Variants in LRBA observed in about 807,000 individuals in gnomAD.
LRBA encodes LPS responsive beige-like anchor protein, also known as lipopolysaccharide-responsive and beige-like anchor protein.
In LRBA, 176 loss-of-function variants were observed where a neutral mutation model predicts 330.0. That is an observed-to-expected ratio of 0.53 (90% confidence interval 0.47 to 0.60). The LOEUF (loss-of-function observed/expected upper bound fraction) is 0.60. Among genes scored for constraint, LRBA ranks in the 20% least tolerant of loss-of-function variants. LRBA has a pLI of 0.00. For missense variants in LRBA, 3,259 were observed against 3,444.8 expected, an observed-to-expected ratio of 0.95 and a Z score of 1.35; for synonymous variants, 1,230 against 1,193.0, an observed-to-expected ratio of 1.03 and a Z score of -0.64.
intron 40 of LRBA, among the ~76,000 whole-genome samples, chr4:150,587,682 G>C (rs1318276764): frequency 6.6e-6 from 1 of 152,040 alleles, no homozygotes; most frequent in Non-Finnish European, 1.5e-5. Flanking sequence ...ATCATATCCA[G>C]AAAACATAAA....
At chr4:151,002,364 C>T (rs76342172) in intron 2 of LRBA, among the ~76,000 whole-genome samples, 3,439 of 151,586 alleles carry the variant, frequency 0.023, 126 homozygotes, top group African/African-American at 0.079. Flanking sequence ...GTCAGGAGTT[C>T]GAGACCAGAC....
chr4:150,449,925 T>C (rs907096744), intron 44 of LRBA, among the ~76,000 whole-genome samples: 1 of 151,846 alleles, frequency 6.6e-6, no homozygotes, highest in African/African-American at 2.4e-5. Flanking sequence ...AGCAAGAAGG[T>C]AGATTTAAGC....
intron 17 of LRBA, among the ~76,000 whole-genome samples, chr4:150,881,584 G>A (rs1414507550): frequency 6.6e-6 from 1 of 152,120 alleles, no homozygotes; most frequent in Non-Finnish European, 1.5e-5. Context: ...GTACTTGGGT[G>A]ACAGGATCAA....
chr4:150,357,782 T>C (rs866843402), intron 47 of LRBA, among the ~76,000 whole-genome samples: 2 of 152,004 alleles, frequency 1.3e-5, no homozygotes, highest in African/African-American at 4.8e-5. Context: ...TACAGTGATA[T>C]ATATGCAGCA....
chr4:150,364,922 A>G (rs1426758464), intron 47 of LRBA, among the ~76,000 whole-genome samples: 1 of 151,844 alleles, frequency 6.6e-6, no homozygotes, highest in Non-Finnish European at 1.5e-5. Context: ...ATAATATTTT[A>G]TATCATAATA....
intron 2 of LRBA, among the ~76,000 whole-genome samples, chr4:150,967,237 C>A (rs1739007661): frequency 6.6e-6 from 1 of 152,152 alleles, no homozygotes; most frequent in East Asian, 1.9e-4. Flanking sequence ...TATGTAATAA[C>A]CCCTGAACAA....
rs1731754353 is a variant in LRBA at position 150,316,601 on chromosome 4, C to A, written c.7631-978G>T. Among the ~76,000 whole-genome samples, 3 of 152,118 alleles carry A rather than the reference C, an allele frequency of 2.0e-5. No individual in the cohort carries two copies. In the South Asian group the frequency reaches 6.2e-4, roughly 31 times the overall value. ...AGCCATTCACCCTGCTCAGTATCTACTTTTTATAGACTCACAAGCATTCAC... is the reference window on the plus strand; with the variant it reads ...AGCCATTCACCCTGCTCAGTATCTAATTTTTATAGACTCACAAGCATTCAC... On this transcript the variant is annotated intron_variant, in intron 50 of 56. Coordinates refer to ENST00000651943, the MANE Select transcript of LRBA (RefSeq NM_001364905.1).
intron 17 of LRBA, among the ~76,000 whole-genome samples, chr4:150,882,981 C>T (rs1433505384): frequency 1.3e-5 from 2 of 152,078 alleles, no homozygotes; most frequent in Admixed American, 1.3e-4. Context: ...AATTGTCATT[C>T]CAATTTGGAA....
intron 36 of LRBA, among the ~76,000 whole-genome samples, chr4:150,724,332 A>G (rs1289311706): frequency 6.6e-6 from 1 of 152,216 alleles, no homozygotes; most frequent in Non-Finnish European, 1.5e-5. Flanking sequence ...GGTAATCCAG[A>G]TAATTCTTCC....
chr4:150,561,842 G>A (rs955255524), intron 40 of LRBA, among the ~76,000 whole-genome samples: 7 of 152,036 alleles, frequency 4.6e-5, no homozygotes, highest in Non-Finnish European at 7.4e-5. Context: ...ACTTCCTGTA[G>A]CAAATCATTG....
chr4:150,463,601 TG>T (rs1253207132), intron 44 of LRBA, among the ~76,000 whole-genome samples: 2 of 151,990 alleles, frequency 1.3e-5, no homozygotes, highest in East Asian at 3.9e-4. Flanking sequence ...GATCATCTAC[TG>T]GGGCATAAGG....
chr4:150,781,130 C>T (rs1477522924), intron 34 of LRBA, among the ~76,000 whole-genome samples: 3 of 152,198 alleles, frequency 2.0e-5, no homozygotes, highest in Non-Finnish European at 4.4e-5. Flanking sequence ...CCGCCTGCCT[C>T]GGCCTCCCAG....
intron 52 of LRBA, among the ~76,000 whole-genome samples, chr4:150,308,017 C>T (rs1298654652): frequency 6.6e-6 from 1 of 152,054 alleles, no homozygotes; most frequent in Non-Finnish European, 1.5e-5. Context: ...GTTCTATAAA[C>T]TATATTAAGG....
At chr4:150,945,789 G>A (rs1736171664) in intron 2 of LRBA, among the ~76,000 whole-genome samples, 2 of 152,026 alleles carry the variant, frequency 1.3e-5, no homozygotes, top group South Asian at 2.1e-4. Context: ...TAAAAGTGAG[G>A]AATTAAGGCA....
Position 150,914,405 on chromosome 4 carries a change from C to T in LRBA, c.1015-64G>A, listed in dbSNP as rs1286661855. The T allele has an allele frequency of 1.5e-5, 17 of 1,134,458 alleles. No homozygotes were observed. In the Admixed American group the frequency reaches 4.1e-4, roughly 27 times the overall value. The allele number at this position is 1,134,458 out of a possible 1,614,324, so 70.3% of individuals were successfully genotyped here. ...AAAAAAACTCCAGAAATAATAAAAA[C>T]CTATATTATCATAAATGTTTTGTCC... On this transcript the variant is annotated intron_variant, in intron 8 of 56. Transcript: ENST00000651943.
chr4:150,376,349 C>CA (rs1741321800), intron 47 of LRBA, among the ~76,000 whole-genome samples: 1 of 151,944 alleles, frequency 6.6e-6, no homozygotes, highest in African/African-American at 2.4e-5. Flanking sequence ...ATGAATAAAA[C>CA]AAAAATGTTT....
At chr4:150,868,981 T>C (rs778246745) in intron 20 of LRBA, among the ~76,000 whole-genome samples, 1 of 152,066 alleles carries the variant, frequency 6.6e-6, no homozygotes, top group Non-Finnish European at 1.5e-5. Context: ...ATAATCAAAA[T>C]CTCAGAAAAA....
intron 36 of LRBA, among the ~76,000 whole-genome samples, chr4:150,691,741 C>T (rs1784158143): frequency 6.6e-6 from 1 of 152,156 alleles, no homozygotes; most frequent in South Asian, 2.1e-4. Context: ...ACAAAAATAA[C>T]TTGTATGAAA....
At chr4:150,995,084 T>C (rs1742490511) in intron 2 of LRBA, among the ~76,000 whole-genome samples, 1 of 151,572 alleles carries the variant, frequency 6.6e-6, no homozygotes, top group African/African-American at 2.4e-5. Flanking sequence ...TTGGCATGTT[T>C]GCCTTTCCCA....
Sources: allele counts gnomAD v4.1 joint callset (sites outside exome capture counted in the v4.1 genomes callset), GRCh38; gene constraint gnomAD v4.1.1; transcripts MANE v1.5; gene names NCBI Gene and HGNC (gene_info 2026-07-23, HGNC 2026-07-21).